Variants in NUMB observed in about 807,000 individuals in gnomAD.
The protein encoded by NUMB is NUMB endocytic adaptor protein.
In NUMB, 29 loss-of-function variants were observed where a neutral mutation model predicts 59.7. The observed-to-expected ratio is 0.49, with a 90% confidence interval of 0.36 to 0.66. The LOEUF (loss-of-function observed/expected upper bound fraction) is 0.66, where lower values mean the gene tolerates loss of function less well. NUMB is among the 30% of genes least tolerant of loss of function. The probability of loss-of-function intolerance (pLI) is 0.00; values close to 1 mark genes in which losing one functional copy is unlikely to be tolerated. For missense variants in NUMB, 723 were observed against 822.0 expected (o/e 0.88, Z 1.47); for synonymous variants, 288 against 288.2 (o/e 1.00, Z 0.01).
At chr14:73,434,401 C>T (rs1013746089) in intron 1 of NUMB, among the ~76,000 whole-genome samples, 4 of 152,138 alleles carry the variant, frequency 2.6e-5, no homozygotes, top group Non-Finnish European at 5.9e-5. Flanking sequence ...ACTTAGAACG[C>T]TTCTTGGAAT....
At chr14:73,401,990 G>A (rs1401142358) in intron 2 of NUMB, among the ~76,000 whole-genome samples, 1 of 152,156 alleles carries the variant, frequency 6.6e-6, no homozygotes, top group Admixed American at 6.6e-5. Flanking sequence ...GCCTTCGTGA[G>A]TAGCTAGGAC....
At chr14:73,349,890 C>CA (rs1893125422) in intron 4 of NUMB, among the ~76,000 whole-genome samples, 1 of 150,386 alleles carries the variant, frequency 6.6e-6, no homozygotes, top group South Asian at 2.1e-4. Flanking sequence ...AGAAAAAAAA[C>CA]AAAAAACAAA....
At chr14:73,398,411 A>AGTGTGTGTGTGT (rs1275011828) in intron 2 of NUMB, among the ~76,000 whole-genome samples, 1 of 104,060 alleles carries the variant, frequency 9.6e-6, no homozygotes, top group African/African-American at 4.4e-5. Context: ...AGAGAGAGAG[A>AGTGTGTGTGTGT]GAGAGTGTGT....
At chr14:73,439,464 T>C (rs1882862398) in intron 1 of NUMB, among the ~76,000 whole-genome samples, 1 of 152,200 alleles carries the variant, frequency 6.6e-6, no homozygotes, top group Non-Finnish European at 1.5e-5. Context: ...AAAATAATTA[T>C]ATTTTTGTTA....
At chr14:73,352,443 CACACACACACACACAT>C (rs1446258860) in intron 4 of NUMB, among the ~76,000 whole-genome samples, 10 of 47,850 alleles carry the variant, frequency 2.1e-4, no homozygotes, top group South Asian at 7.1e-4. Flanking sequence ...TACACACACA[CACACACACACACACAT>C]ACACACACAC....
At chr14:73,324,835 T>C (rs1891580329) in intron 4 of NUMB, among the ~76,000 whole-genome samples, 1 of 152,152 alleles carries the variant, frequency 6.6e-6, no homozygotes, top group South Asian at 2.1e-4. Flanking sequence ...TTACCTCCCC[T>C]TTCTCTCTTT....
chr14:73,325,153 T>C (rs1891596250), intron 4 of NUMB, among the ~76,000 whole-genome samples: 1 of 152,182 alleles, frequency 6.6e-6, no homozygotes, highest in African/African-American at 2.4e-5. Context: ...CCACTCCCTG[T>C]CCCCTTCTTT....
intron 1 of NUMB, among the ~76,000 whole-genome samples, chr14:73,423,248 C>A (rs7153038): frequency 0.061 from 9,193 of 151,798 alleles, 620 homozygotes; most frequent in African/African-American, 0.16. Flanking sequence ...TACTGTAATC[C>A]CAGCACTTTG....
Position 73,284,210 on chromosome 14 carries a change from G to A in NUMB, c.820C>T (p.Gln274Ter). The part of the protein sequence containing the change: ...RHAPIEQLAR[Q>*]GSFRGFPALS... ...GCAGGAAAACCTCGGAAAGAGCCTT[G>A]GCGAGCAAGCTGTTCAATTGGAGCA... Residue 274 changes from glutamine to a stop codon, truncating the protein, a stop_gained, in exon 10 of 13, where the codon CAA (glutamine) becomes TAA (stop). Transcript: ENST00000555238. LOFTEE classifies it high-confidence loss of function. 16 of 1,614,162 alleles carry A rather than the reference G, an allele frequency of 9.9e-6. No individual in the cohort carries two copies. Among genetic ancestry groups the A allele is most frequent in the Non-Finnish European group, 1.4e-5 (16 of 1,180,028 alleles).
At chr14:73,352,327 T>C (rs1009536448) in intron 4 of NUMB, among the ~76,000 whole-genome samples, 18 of 150,812 alleles carry the variant, frequency 1.2e-4, no homozygotes, top group Non-Finnish European at 3.0e-5. Flanking sequence ...CAGAGAAGCC[T>C]TACTCTGATC....
chr14:73,427,465 G>GA (rs1183560708), intron 1 of NUMB, among the ~76,000 whole-genome samples: 11 of 151,872 alleles, frequency 7.2e-5, no homozygotes, highest in African/African-American at 2.2e-4. Context: ...ACTCTGTCTA[G>GA]AAAAAAACAA....
At chr14:73,327,908 C>T (rs893354113) in intron 4 of NUMB, among the ~76,000 whole-genome samples, 11 of 152,078 alleles carry the variant, frequency 7.2e-5, no homozygotes, top group Non-Finnish European at 1.2e-4. Flanking sequence ...GCCTGCCCTC[C>T]CCCACCACAC....
At chr14:73,364,900 T>C (rs1430600608) in intron 3 of NUMB, among the ~76,000 whole-genome samples, 2 of 152,142 alleles carry the variant, frequency 1.3e-5, no homozygotes, top group African/African-American at 4.8e-5. Flanking sequence ...TATTAACACT[T>C]GCACTGAATA....
At chr14:73,285,680 C>G (rs1888942885) in intron 9 of NUMB, 1 of 151,994 alleles carries the variant, frequency 6.6e-6, no homozygotes, top group South Asian at 2.1e-4. Context: ...AATCCCAGCA[C>G]TTTGGGAGGC....
chr14:73,316,457 T>C (rs762136650), intron 5 of NUMB, 35 bp from the exon 6 acceptor site: 16 of 1,602,200 alleles, frequency 1.0e-5, no homozygotes, highest in Middle Eastern at 1.6e-4. Context: ...AGTGCTATTA[T>C]TGTATGGCCT....
In NUMB at chr14:73,276,624, T is replaced by C. The variant is rs1392742494; in HGVS notation, c.1910A>G (p.Asn637Ser). Residue 637 changes from asparagine to serine, a missense_variant, in exon 13 of 13, where the codon AAC (asparagine) becomes AGC (serine). By Grantham distance (46) the Asn-to-Ser change is conservative. Around this residue, in one of 2 missense-constraint regions of NUMB, gnomAD observed 406 missense variants for 385.4 expected, o/e 1.05. Transcript: ENST00000555238. The part of the protein sequence containing the change: ...SKQRTNPSPT[N>S]PFSSDLQKTF... Reference sequence around the variant, plus strand: ...CTTCTGTAAGTCACTGGAGAAAGGGTTGGTAGGGGAGGGATTAGTACGCTG... The same window carrying C: ...CTTCTGTAAGTCACTGGAGAAAGGGCTGGTAGGGGAGGGATTAGTACGCTG... 1.2e-6 allele frequency: 2 copies of C among 1,613,562 alleles called. No individual in the cohort carries two copies. The highest frequency in any genetic ancestry group is 2.2e-5 in the East Asian group (1 of 44,874).
intron 4 of NUMB, among the ~76,000 whole-genome samples, chr14:73,324,500 T>C (rs973810850): frequency 1.3e-5 from 2 of 152,196 alleles, no homozygotes; most frequent in African/African-American, 2.4e-5. Flanking sequence ...GAAAGTTCTC[T>C]TCTCCCCAGC....
At chr14:73,285,336 C>G (rs917114793) in intron 9 of NUMB, 1 of 151,770 alleles carries the variant, frequency 6.6e-6, no homozygotes, top group East Asian at 1.9e-4. Context: ...AATCTCTTTG[C>G]AGTTGTTGTG....
intron 6 of NUMB, among the ~76,000 whole-genome samples, chr14:73,315,332 T>G (rs1891029639): frequency 6.6e-6 from 1 of 152,164 alleles, no homozygotes. Context: ...AATGACAGTA[T>G]TTTTCTCTCA....
Sources: gnomAD v4.1 joint callset for allele counts (sites outside exome capture counted in the v4.1 genomes callset) on GRCh38, gnomAD v4.1.1 for gene constraint, gnomAD v4.1.1 regional missense constraint, MANE v1.5 for transcripts, NCBI Gene and HGNC (gene_info 2026-07-23, HGNC 2026-07-21) for gene names.